RBFOX1: variants seen among roughly 807,000 people sequenced by gnomAD.
The protein encoded by RBFOX1 is RNA binding fox-1 homolog 1, also known as RNA binding protein fox-1 homolog 1.
RBFOX1 carries 8 observed loss-of-function variants against 57.7 expected under a neutral mutation model. The observed-to-expected ratio is 0.14, with a 90% CI of 0.08 to 0.25. The LOEUF (loss-of-function observed/expected upper bound fraction) is 0.25, where lower values mean the gene tolerates loss of function less well. Ranked by LOEUF, RBFOX1 falls within the 10% of genes least tolerant of loss-of-function variation. The pLI is 1.00. For synonymous variants in RBFOX1, 326 were observed against 222.4 expected (o/e 1.47, Z -4.15); for missense variants, 611 against 548.5 (o/e 1.11, Z -1.14).
intron 1 of RBFOX1, chr16:5,365,677 G>A: frequency 2.9e-6 from 1 of 341,302 alleles, no homozygotes; most frequent in South Asian, 2.4e-5. Context: ...CAGTAAATAA[G>A]TAAAAAAAAT....
At chr16:5,473,825 G>C (rs2069224324) in intron 2 of RBFOX1, among the ~76,000 whole-genome samples, 1 of 149,444 alleles carries the variant, frequency 6.7e-6, no homozygotes, top group South Asian at 2.2e-4. Flanking sequence ...TGGAAGGATA[G>C]ATGTAAGGGT....
intron 4 of RBFOX1, among the ~76,000 whole-genome samples, chr16:7,395,444 T>C (rs2098124753): frequency 6.6e-6 from 1 of 152,152 alleles, no homozygotes; most frequent in Non-Finnish European, 1.5e-5. Context: ...GAGCCAGAAG[T>C]ATTGGGGAAG....
intron 3 of RBFOX1, among the ~76,000 whole-genome samples, chr16:5,793,404 A>G (rs960475289): frequency 6.6e-5 from 10 of 152,158 alleles, no homozygotes; most frequent in African/African-American, 1.7e-4. Context: ...CTTGGTGAAG[A>G]TTTACCCTGA....
chr16:7,026,049 G>A (rs60957173), intron 3 of RBFOX1, among the ~76,000 whole-genome samples: 8,911 of 152,212 alleles, frequency 0.059, 873 homozygotes, highest in African/African-American at 0.2. Context: ...GAAAACAAAA[G>A]GACTAGCGCA....
chr16:6,368,078 G>T (rs2089924190), intron 2 of RBFOX1, among the ~76,000 whole-genome samples: 1 of 152,120 alleles, frequency 6.6e-6, no homozygotes, highest in African/African-American at 2.4e-5. Context: ...CTCTGAAGTT[G>T]TTTCCGTCAT....
intron 4 of RBFOX1, among the ~76,000 whole-genome samples, chr16:7,494,546 C>T (rs1156911377): frequency 1.4e-4 from 22 of 152,186 alleles, no homozygotes; most frequent in Non-Finnish European, 2.2e-4. Context: ...AATAATAGCA[C>T]AGAGATGTTC....
At chr16:6,443,858 C>A (rs1383927829) in intron 2 of RBFOX1, among the ~76,000 whole-genome samples, 1 of 152,060 alleles carries the variant, frequency 6.6e-6, no homozygotes, top group East Asian at 1.9e-4. Context: ...ATCCATCCAT[C>A]CATCCATCCA....
chr16:7,064,634 G>A lies in RBFOX1; in HGVS notation c.27+12536G>A, dbSNP rs140568655. ...CAGACTTCTGGCCTCCAGCACTGTG[G>A]GGAAGTAAATTTCTGTTGTTTGATT... On this transcript the variant is annotated intron_variant, in intron 4 of 15. Coordinates refer to ENST00000550418, the MANE Select transcript of RBFOX1 (RefSeq NM_018723.4). Among the ~76,000 whole-genome samples the A allele has an allele frequency of 7.2e-5, 11 of 152,258 alleles. No individual in the cohort carries two copies. The East Asian group carries it at 1.2e-3, about 16-fold the overall frequency.
At chr16:7,379,010 C>T (rs190014358) in intron 4 of RBFOX1, among the ~76,000 whole-genome samples, 93 of 152,346 alleles carry the variant, frequency 6.1e-4, no homozygotes, top group African/African-American at 2.1e-3. Context: ...TATCTACTCT[C>T]TAAATGCAGT....
chr16:6,540,219 T>G (rs1430043692), intron 2 of RBFOX1, among the ~76,000 whole-genome samples: 1 of 152,140 alleles, frequency 6.6e-6, no homozygotes, highest in African/African-American at 2.4e-5. Flanking sequence ...ACTTTAACAT[T>G]CTTGAAAGTA....
chr16:5,634,170 C>T lies in RBFOX1; in HGVS notation c.318+35209C>T, dbSNP rs1596527963. 2.6e-5 allele frequency among the ~76,000 whole-genome samples: 4 copies of T among 152,336 alleles called. 1 individual carries two copies. In the Middle Eastern group the frequency reaches 0.014, roughly 518 times the overall value. Reference sequence around the variant, plus strand: ...ATAGCAAATTCAGACTTGTGTACATCAGTTGGCAAATTAACATTTTGGGTA... The same window carrying T: ...ATAGCAAATTCAGACTTGTGTACATTAGTTGGCAAATTAACATTTTGGGTA... On this transcript the variant is annotated intron_variant, in intron 3 of 19. Transcript: ENST00000641259.
intron 2 of RBFOX1, among the ~76,000 whole-genome samples, chr16:5,483,222 T>G (rs2069607486): frequency 6.6e-6 from 1 of 152,180 alleles, no homozygotes; most frequent in Non-Finnish European, 1.5e-5. Flanking sequence ...ATAGAGCCAC[T>G]TTTTCTTCTG....
chr16:5,406,828 G>A (rs948745728), intron 1 of RBFOX1, among the ~76,000 whole-genome samples: 6 of 152,168 alleles, frequency 3.9e-5, no homozygotes, highest in Admixed American at 6.5e-5. Flanking sequence ...CAGACGGCAG[G>A]CACATAGTCA....
intron 3 of RBFOX1, among the ~76,000 whole-genome samples, chr16:6,718,332 C>A (rs1382744463): frequency 6.6e-6 from 1 of 152,160 alleles, no homozygotes; most frequent in African/African-American, 2.4e-5. Flanking sequence ...AAATACACTA[C>A]AACTTGTATA....
chr16:5,283,877 A>G (rs1278493128), intron 1 of RBFOX1, among the ~76,000 whole-genome samples: 2 of 151,966 alleles, frequency 1.3e-5, no homozygotes, highest in African/African-American at 4.8e-5. Context: ...ACTGTTGGGA[A>G]GGCATGATTG....
chr16:5,715,751 T>C (rs934334821), intron 3 of RBFOX1, among the ~76,000 whole-genome samples: 5 of 152,210 alleles, frequency 3.3e-5, no homozygotes, highest in Non-Finnish European at 7.3e-5. Flanking sequence ...GAGATGCCTG[T>C]GCTGGAATGA....
At chr16:6,808,532 A>G (rs923300635) in intron 3 of RBFOX1, among the ~76,000 whole-genome samples, 2 of 152,164 alleles carry the variant, frequency 1.3e-5, no homozygotes, top group African/African-American at 4.8e-5. Flanking sequence ...TAAGAGGGAC[A>G]GGTTTGCATA....
intron 4 of RBFOX1, among the ~76,000 whole-genome samples, chr16:7,445,602 T>C (rs182971427): frequency 2.6e-5 from 4 of 152,340 alleles, no homozygotes; most frequent in African/African-American, 9.6e-5. Context: ...CTCATTGCCA[T>C]GAAACCCTGC....
At chr16:7,496,566 T>C (rs2068704584) in intron 4 of RBFOX1, among the ~76,000 whole-genome samples, 1 of 152,152 alleles carries the variant, frequency 6.6e-6, no homozygotes, top group Non-Finnish European at 1.5e-5. Context: ...ATCATCATCA[T>C]CATTAATACC....
Sources: allele counts gnomAD v4.1 joint callset (sites outside exome capture counted in the v4.1 genomes callset), GRCh38; gene constraint gnomAD v4.1.1; transcripts MANE v1.5; gene names NCBI Gene and HGNC (gene_info 2026-07-23, HGNC 2026-07-21).